PCDH7: variants seen among roughly 807,000 people sequenced by gnomAD.
PCDH7 encodes protocadherin-7.
Under a neutral mutation model 58.9 loss-of-function variants are expected in PCDH7, and 17 were observed. That is an observed-to-expected ratio of 0.29 (90% CI 0.20 to 0.43). The LOEUF (loss-of-function observed/expected upper bound fraction) is 0.43, where lower values mean the gene tolerates loss of function less well. Among genes scored for constraint, PCDH7 ranks in the 20% least tolerant of loss-of-function variants. PCDH7 has a pLI of 1.00. For missense variants in PCDH7, 1,274 were observed against 1,441.0 expected, an observed-to-expected ratio of 0.88 and a Z score of 1.88; for synonymous variants, 664 against 616.4, an observed-to-expected ratio of 1.08 and a Z score of -1.14.
rs542022606 is a variant in PCDH7 at position 31,056,720 on chromosome 4, G to A, written c.*8-85753G>A. ...AGCAAGAGAGAAAGAGAAAAAGGAA[G>A]GGAAAGAAAGAGAAACGAAAGCAAA... is the stretch of plus-strand genomic sequence containing the variant. On this transcript the variant is annotated intron_variant, in intron 3 of 3. Coordinates refer to the PCDH7 transcript ENST00000509759. 1.1e-4 allele frequency among the ~76,000 whole-genome samples: 16 copies of A among 151,600 alleles called. No individual in the cohort carries two copies. The South Asian group carries it at 3.3e-3, about 32-fold the overall frequency.
chr4:31,069,105 C>CA (rs1460746146), intron 3 of PCDH7, among the ~76,000 whole-genome samples: 1 of 151,792 alleles, frequency 6.6e-6, no homozygotes, highest in Non-Finnish European at 1.5e-5. Flanking sequence ...AGCTAAATGC[C>CA]AAACTGATAG....
intron 3 of PCDH7, among the ~76,000 whole-genome samples, chr4:31,087,863 G>A (rs1712674521): frequency 6.6e-6 from 1 of 152,090 alleles, no homozygotes; most frequent in Non-Finnish European, 1.5e-5. Context: ...TTAACATGTA[G>A]TAGGTGCTCA....
At chr4:30,908,176 T>C (rs1454833094) in intron 1 of PCDH7, among the ~76,000 whole-genome samples, 2 of 150,114 alleles carry the variant, frequency 1.3e-5, no homozygotes, top group Non-Finnish European at 2.9e-5. Context: ...CAAACCAGCA[T>C]GGCACATGTA....
chr4:30,985,720 C>T (rs371426842), intron 3 of PCDH7, among the ~76,000 whole-genome samples: 24 of 152,276 alleles, frequency 1.6e-4, no homozygotes, highest in East Asian at 1.2e-3. Context: ...GCTAACTCAT[C>T]GCACATTTTC....
intron 1 of PCDH7, among the ~76,000 whole-genome samples, chr4:30,758,596 A>C (rs761467347): frequency 1.3e-5 from 2 of 152,166 alleles, no homozygotes; most frequent in African/African-American, 4.8e-5. Context: ...GATAAAAACC[A>C]CATCTCCATC....
At chr4:31,142,400 C>T in intron 3 of PCDH7, 73 bp from the exon 3 acceptor site, 9 of 1,199,544 alleles carry the variant, frequency 7.5e-6, no homozygotes, top group Non-Finnish European at 9.9e-6. Context: ...TATATTTCCT[C>T]TAATTTCATA....
At chr4:30,867,838 G>T (rs932534606) in intron 1 of PCDH7, among the ~76,000 whole-genome samples, 2 of 152,004 alleles carry the variant, frequency 1.3e-5, no homozygotes, top group Admixed American at 1.3e-4. Context: ...TTTATCAGAG[G>T]TGATATCCTC....
At chr4:31,062,886 G>T (rs1164236462) in intron 3 of PCDH7, among the ~76,000 whole-genome samples, 2 of 151,692 alleles carry the variant, frequency 1.3e-5, no homozygotes, top group Non-Finnish European at 3.0e-5. Context: ...AAGTTTTGTT[G>T]CTGTTGCTGC....
At chr4:30,928,267 A>T (rs1264244465) in intron 2 of PCDH7, among the ~76,000 whole-genome samples, 1 of 152,190 alleles carries the variant, frequency 6.6e-6, no homozygotes, top group Non-Finnish European at 1.5e-5. Context: ...CCTATTGAGA[A>T]ACCATTTTAT....
At chr4:30,843,057 A>G (rs1335166855) in intron 1 of PCDH7, among the ~76,000 whole-genome samples, 1 of 151,532 alleles carries the variant, frequency 6.6e-6, no homozygotes, top group African/African-American at 2.4e-5. Flanking sequence ...GAATAAACAA[A>G]TGACTTTTTT....
intron 3 of PCDH7, among the ~76,000 whole-genome samples, chr4:31,040,989 C>T (rs1040140303): frequency 1.3e-5 from 2 of 152,024 alleles, no homozygotes; most frequent in Non-Finnish European, 1.5e-5. Flanking sequence ...TATTTGTCCA[C>T]TTTCTGAGAA....
chr4:30,832,966 C>T (rs1283230349), intron 1 of PCDH7, among the ~76,000 whole-genome samples: 1 of 152,092 alleles, frequency 6.6e-6, no homozygotes, highest in Non-Finnish European at 1.5e-5. Flanking sequence ...ATCTCTGTAG[C>T]AGAAAGGTGG....
At chr4:31,142,846 G>A (rs1720427168) in exon 4 of PCDH7, 1 of 1,362,124 alleles carries the variant, frequency 7.3e-7, no homozygotes. Context: ...AAGTTTACCT[G>A]TAGGCTATAA....
At chr4:31,028,554 T>C (rs369058877) in intron 3 of PCDH7, among the ~76,000 whole-genome samples, 14 of 151,924 alleles carry the variant, frequency 9.2e-5, no homozygotes, top group African/African-American at 2.2e-4. Context: ...ACTCCAGAGG[T>C]TGAGGTGGGT....
rs577990531 is a variant in PCDH7, at chr4:30,757,382, C to T, written c.70+32786C>T. On this transcript the variant is annotated intron_variant, in intron 1 of 3. Coordinates refer to the PCDH7 transcript ENST00000509759. ...AGCACCAATAGGATAAAGCGAACAC[C>T]GTGAGCAGGGCAGAAAGGCCCTTAG... Among the ~76,000 whole-genome samples, 12 of 152,310 alleles carry T rather than the reference C, an allele frequency of 7.9e-5. No individual in the cohort carries two copies. The East Asian group carries it at 1.4e-3, about 17-fold the overall frequency.
intron 1 of PCDH7, among the ~76,000 whole-genome samples, chr4:30,912,736 C>G (rs1715582155): frequency 6.6e-6 from 1 of 152,138 alleles, no homozygotes; most frequent in South Asian, 2.1e-4. Context: ...CCTTAGGGTC[C>G]TATCCTTTTG....
chr4:31,141,234 T>C (rs1047969490), intron 3 of PCDH7, among the ~76,000 whole-genome samples: 3 of 152,268 alleles, frequency 2.0e-5, no homozygotes, highest in African/African-American at 7.2e-5. Context: ...ACGAATCTAC[T>C]AGGATTGTGC....
At chr4:30,791,052 G>A (rs1724063696) in intron 1 of PCDH7, among the ~76,000 whole-genome samples, 1 of 152,142 alleles carries the variant, frequency 6.6e-6, no homozygotes, top group Admixed American at 6.6e-5. Flanking sequence ...CTGTATATAT[G>A]TATAATTTGT....
rs73812635 is a variant in PCDH7 at position 30,852,315 on chromosome 4, T to C, written c.71-67838T>C. ...ATATACAGATTCATGTAGTATAGGA[T>C]TTAGCAATGTGCCTAAGTCAAGAAA... On this transcript the variant is annotated intron_variant, in intron 1 of 3. Transcript: ENST00000509759. 3.0e-3 allele frequency among the ~76,000 whole-genome samples: 461 copies of C among 152,180 alleles called. 2 individuals are homozygous for C. The highest frequency in any genetic ancestry group is 0.011 in the African/African-American group (443 of 41,560).
Sources: allele counts gnomAD v4.1 joint callset (sites outside exome capture counted in the v4.1 genomes callset), GRCh38; gene constraint gnomAD v4.1.1; transcripts MANE v1.5; gene names NCBI Gene and HGNC (gene_info 2026-07-23, HGNC 2026-07-21).